The following ELP4 variants were observed in gnomAD, a reference collection of about 807,000 sequenced individuals.
The protein encoded by ELP4 is elongator acetyltransferase complex subunit 4.
In ELP4, 51 loss-of-function variants were observed where a neutral mutation model predicts 48.9. The observed-to-expected ratio is 1.04, with a 90% CI of 0.83 to 1.32. The LOEUF is 1.32. Among genes scored for constraint, ELP4 ranks in the 40% most tolerant of loss-of-function variants. The pLI is 0.00. For missense variants in ELP4, 519 were observed against 514.6 expected (o/e 1.01, Z -0.08); for synonymous variants, 210 against 189.2 (o/e 1.11, Z -0.90).
At chr11:31,670,263 A>G (rs948197563) in intron 9 of ELP4, among the ~76,000 whole-genome samples, 9 of 152,190 alleles carry the variant, frequency 5.9e-5, no homozygotes, top group African/African-American at 1.4e-4. Flanking sequence ...AGCATTTAAA[A>G]TGTACCCTTC....
chr11:31,776,293 C>G (rs948967650), intron 9 of ELP4, among the ~76,000 whole-genome samples: 17 of 151,958 alleles, frequency 1.1e-4, no homozygotes, highest in African/African-American at 4.1e-4. Flanking sequence ...TTGCCAAGAT[C>G]TAATAGCAAT....
intron 3 of ELP4, among the ~76,000 whole-genome samples, chr11:31,579,404 A>G (rs1183385528): frequency 6.6e-6 from 1 of 152,190 alleles, no homozygotes; most frequent in Non-Finnish European, 1.5e-5. Context: ...AGAACTAGAA[A>G]TACCATTAGA....
intron 9 of ELP4, among the ~76,000 whole-genome samples, chr11:31,690,027 G>A (rs1256398665): frequency 6.6e-6 from 1 of 152,136 alleles, no homozygotes; most frequent in Non-Finnish European, 1.5e-5. Flanking sequence ...ATGAAGGAAG[G>A]AAAAGGAAAT....
At chr11:31,617,177 T>C (rs1944507678) in intron 5 of ELP4, among the ~76,000 whole-genome samples, 2 of 152,106 alleles carry the variant, frequency 1.3e-5, no homozygotes, top group Non-Finnish European at 2.9e-5. Context: ...GTCCACCAAC[T>C]GATGAACTGA....
intron 3 of ELP4, among the ~76,000 whole-genome samples, chr11:31,548,667 C>T (rs1365186122): frequency 5.3e-5 from 8 of 152,124 alleles, no homozygotes; most frequent in African/African-American, 1.7e-4. Flanking sequence ...AAAAAGAGCC[C>T]GCATGGCCAA....
At chr11:31,644,579 C>T (rs954725142) in intron 7 of ELP4, among the ~76,000 whole-genome samples, 4 of 151,822 alleles carry the variant, frequency 2.6e-5, no homozygotes, top group Admixed American at 1.3e-4. Flanking sequence ...TAGTGTATTC[C>T]TGCTAAAGTG....
At position 31,627,256 on chromosome 11, in the gene ELP4, G is replaced by A; in HGVS notation, c.738+62G>A. 2.2e-5 allele frequency: 2 copies of A among 91,128 alleles called. 1 individual carries two copies. Among genetic ancestry groups the A allele is most frequent in the Non-Finnish European group, 4.5e-5 (2 of 44,586 alleles). 5.6% of individuals were successfully genotyped at this position (91,128 alleles called of 1,614,324 possible). On this transcript the variant is annotated intron_variant, in intron 6 of 9. Coordinates refer to ENST00000640961, the MANE Select transcript of ELP4 (RefSeq NM_019040.5). Reference sequence around the variant, plus strand: ...TATAATGTTGTTTTCAAATTCTCTGGGGGGGGGGGCGGGAACCCAGAAGTT... The same window carrying A: ...TATAATGTTGTTTTCAAATTCTCTGAGGGGGGGGGCGGGAACCCAGAAGTT...
rs531075436 is a variant in ELP4 at position 31,710,655 on chromosome 11, A to T, written c.1143+60434A>T. On this transcript the variant is annotated intron_variant, in intron 9 of 9. Coordinates refer to ENST00000640961, the MANE Select transcript of ELP4 (RefSeq NM_019040.5). ...AAAAAAAAAAGATATGAAATAACTAAAACACAATAAGTAGACATGAAGAGT... is the reference window on the plus strand; with the variant it reads ...AAAAAAAAAAGATATGAAATAACTATAACACAATAAGTAGACATGAAGAGT... 1.3e-3 allele frequency among the ~76,000 whole-genome samples: 201 copies of T among 152,262 alleles called. 1 individual carries two copies. Among genetic ancestry groups the T allele is most frequent in the African/African-American group, 4.7e-3 (194 of 41,560 alleles).
At chr11:31,764,910 G>A (rs1001138733) in intron 9 of ELP4, among the ~76,000 whole-genome samples, 2 of 152,154 alleles carry the variant, frequency 1.3e-5, no homozygotes, top group African/African-American at 2.4e-5. Context: ...ATTATTCAAC[G>A]TTTTAGTCCA....
intron 7 of ELP4, among the ~76,000 whole-genome samples, chr11:31,639,642 G>A (rs1279697811): frequency 6.6e-6 from 1 of 151,784 alleles, no homozygotes; most frequent in Non-Finnish European, 1.5e-5. Flanking sequence ...AGTAGTATAT[G>A]TATAACTTTG....
In ELP4 at chr11:31,593,227, CTGTTGTTGTTGT is replaced by C. The variant is rs61458094; in HGVS notation, c.382-1511_382-1500del. 4.2e-3 allele frequency among the ~76,000 whole-genome samples: 630 copies of C among 150,016 alleles called. 4 individuals carry two copies. The highest frequency in any genetic ancestry group is 8.1e-3 in the Admixed American group (122 of 14,988). On this transcript the variant is annotated intron_variant, in intron 3 of 9. Transcript: ENST00000640961. Reference sequence around the variant, plus strand: ...CAACAACCCATTGAAGTGAATAATACTGTTGTTGTTGTTGTTGTTGTTGTTGTTGTTGTTGTT... The same window carrying C: ...CAACAACCCATTGAAGTGAATAATACTGTTGTTGTTGTTGTTGTTGTTGTT...
At position 31,786,898 on chromosome 11, in the gene ELP4, A is replaced by G. The variant is rs1948676106; in HGVS notation, c.*3374A>G. On this transcript the variant is annotated 3_prime_UTR_variant, in exon 10 of 10. Transcript: ENST00000640961. Reference sequence around the variant, plus strand: ...CCCAAGTCAGTCAAGTTTGGAGAAAAAATTTAGACGTTTAGTCCTGGGATT... The same window carrying G: ...CCCAAGTCAGTCAAGTTTGGAGAAAGAATTTAGACGTTTAGTCCTGGGATT... 1 of 219,758 alleles carries G rather than the reference A, an allele frequency of 4.6e-6. No individual in the cohort carries two copies. Among genetic ancestry groups the G allele is most frequent in the South Asian group, 1.8e-4 (1 of 5,420 alleles). The allele number at this position is 219,758 out of a possible 1,614,324, so 13.6% of individuals were successfully genotyped here.
At chr11:31,722,870 A>G (rs1294203760) in intron 9 of ELP4, among the ~76,000 whole-genome samples, 1 of 152,094 alleles carries the variant, frequency 6.6e-6, no homozygotes, top group Admixed American at 6.5e-5. Context: ...GCAGCCCATT[A>G]GGTATCAGGT....
intron 7 of ELP4, among the ~76,000 whole-genome samples, chr11:31,644,520 C>T (rs2134065032): frequency 6.6e-6 from 1 of 151,818 alleles, no homozygotes; most frequent in African/African-American, 2.4e-5. Flanking sequence ...GATCATTATG[C>T]TAAAGCTTTC....
intron 3 of ELP4, among the ~76,000 whole-genome samples, chr11:31,571,636 A>G (rs1049352038): frequency 6.6e-6 from 1 of 152,218 alleles, no homozygotes; most frequent in African/African-American, 2.4e-5. Flanking sequence ...TAGTGTTAAG[A>G]CATGTATTCT....
intron 9 of ELP4, among the ~76,000 whole-genome samples, chr11:31,704,626 T>C (rs1049372733): frequency 6.6e-6 from 1 of 152,018 alleles, no homozygotes; most frequent in African/African-American, 2.4e-5. Flanking sequence ...CCCTAGAACT[T>C]AAAGTATAAT....
chr11:31,634,871 T>C (rs771890031), intron 7 of ELP4, among the ~76,000 whole-genome samples: 3 of 151,936 alleles, frequency 2.0e-5, no homozygotes, highest in African/African-American at 7.2e-5. Flanking sequence ...TTAAGACATA[T>C]TCCTCAAAAC....
At chr11:31,725,755 G>A (rs1033415916) in intron 9 of ELP4, among the ~76,000 whole-genome samples, 2 of 152,116 alleles carry the variant, frequency 1.3e-5, no homozygotes, top group Non-Finnish European at 1.5e-5. Context: ...TGTGGTAGTG[G>A]GTATACCTCT....
intron 1 of ELP4, among the ~76,000 whole-genome samples, chr11:31,519,072 C>A (rs753512583): frequency 3.3e-5 from 5 of 152,032 alleles, no homozygotes; most frequent in Admixed American, 6.5e-5. Flanking sequence ...ACTTCAGCCT[C>A]CCAAAGTGCT....
Sources: gnomAD v4.1 joint callset for allele counts (sites outside exome capture counted in the v4.1 genomes callset) on GRCh38, gnomAD v4.1.1 for gene constraint, MANE v1.5 for transcripts, NCBI Gene and HGNC (gene_info 2026-07-23, HGNC 2026-07-21) for gene names.